The following KIAA0825 variants were observed in gnomAD, a reference collection of about 807,000 sequenced individuals.
KIAA0825 encodes the protein uncharacterized protein KIAA0825.
A neutral mutation model predicts 147.6 loss-of-function variants in KIAA0825; 119 were observed. The observed-to-expected ratio is 0.81, with a 90% CI of 0.69 to 0.94. KIAA0825 has a LOEUF of 0.94. Ranked by LOEUF, KIAA0825 falls within the 40% of genes least tolerant of loss-of-function variation. The pLI, the probability that KIAA0825 is intolerant of heterozygous loss-of-function variation, is 0.00. For synonymous variants in KIAA0825, 470 were observed against 518.1 expected (o/e 0.91, Z 1.26); for missense variants, 1,381 against 1,472.7 (o/e 0.94, Z 1.02).
At chr5:94,517,421 T>TAGAC (rs921119157) in intron 5 of KIAA0825, among the ~76,000 whole-genome samples, 1 of 152,076 alleles carries the variant, frequency 6.6e-6, no homozygotes, top group South Asian at 2.1e-4. Context: ...GATAGATAGA[T>TAGAC]AGACAGATAG....
At chr5:94,501,612 A>C (rs532563319) in intron 5 of KIAA0825, among the ~76,000 whole-genome samples, 2 of 152,356 alleles carry the variant, frequency 1.3e-5, no homozygotes, top group Non-Finnish European at 2.9e-5. Flanking sequence ...AAGAGGGGTC[A>C]GGTGAGCACA....
intron 15 of KIAA0825, among the ~76,000 whole-genome samples, chr5:94,409,563 T>G (rs988832633): frequency 2.6e-5 from 4 of 152,122 alleles, no homozygotes; most frequent in Non-Finnish European, 4.4e-5. Flanking sequence ...AAGTTTCCTT[T>G]CAGTCTTACA....
intron 20 of KIAA0825, among the ~76,000 whole-genome samples, chr5:94,216,612 A>G (rs183178588): frequency 6.6e-6 from 1 of 152,292 alleles, no homozygotes; most frequent in African/African-American, 2.4e-5. Flanking sequence ...TGAACAGGTT[A>G]ACATCAACAC....
At chr5:94,600,467 T>G (rs1231612535) in intron 1 of KIAA0825, among the ~76,000 whole-genome samples, 1 of 152,040 alleles carries the variant, frequency 6.6e-6, no homozygotes, top group African/African-American at 2.4e-5. Context: ...ATTCCTTATA[T>G]TTCCTTAATA....
chr5:94,555,564 T>C (rs928977639), intron 2 of KIAA0825, among the ~76,000 whole-genome samples: 24 of 152,276 alleles, frequency 1.6e-4, no homozygotes, highest in African/African-American at 5.8e-4. Flanking sequence ...GTGTATGAAG[T>C]AGAAATTGAC....
rs537398702 is a variant in KIAA0825, at chr5:94,608,597, G to T, written c.-153+9903C>A. 3.7e-5 allele frequency among the ~76,000 whole-genome samples: 5 copies of T among 134,060 alleles called. No homozygotes were observed. The East Asian group carries it at 1.1e-3, about 29-fold the overall frequency. 87.9% of individuals were successfully genotyped at this position (134,060 alleles called of 152,430 possible). ...GATCTACCCATCTCTGCCTCCCAAA[G>T]TACTGGGATTACAGGCCTGAGCCAC... is the stretch of plus-strand genomic sequence containing the variant. On this transcript the variant is annotated intron_variant, in intron 1 of 20. Transcript: ENST00000682413.
intron 5 of KIAA0825, chr5:94,519,497 T>G (rs1453752222): frequency 1.4e-6 from 1 of 737,292 alleles, no homozygotes; most frequent in Non-Finnish European, 1.7e-6. Context: ...TCACAATAAC[T>G]TCTTTCCTTT....
intron 5 of KIAA0825, among the ~76,000 whole-genome samples, chr5:94,499,931 G>A (rs62364615): frequency 0.029 from 4,436 of 152,256 alleles, 90 homozygotes; most frequent in Non-Finnish European, 0.045. Flanking sequence ...CTGTAGGAGC[G>A]TGGATTAGGG....
intron 14 of KIAA0825, among the ~76,000 whole-genome samples, chr5:94,439,601 C>CTCTGTCTCTG (rs778613604): frequency 2.2e-3 from 328 of 152,244 alleles, no homozygotes; most frequent in Non-Finnish European, 3.4e-3. Context: ...TAATCTAATA[C>CTCTGTCTCTG]TCTGTCTCTG....
At chr5:94,415,522 A>G (rs1324202251) in intron 15 of KIAA0825, 1 of 152,210 alleles carries the variant, frequency 6.6e-6, no homozygotes, top group Non-Finnish European at 1.5e-5. Context: ...GATATTTTCA[A>G]AGACTTAAAT....
chr5:94,444,843 G>A (rs1193045910), intron 13 of KIAA0825, among the ~76,000 whole-genome samples: 1 of 152,110 alleles, frequency 6.6e-6, no homozygotes, highest in Non-Finnish European at 1.5e-5. Flanking sequence ...TAGGGCCATA[G>A]AAGACATTCT....
At chr5:94,178,557 TTAAA>T (rs1468436067) in intron 20 of KIAA0825, among the ~76,000 whole-genome samples, 1 of 152,022 alleles carries the variant, frequency 6.6e-6, no homozygotes, top group East Asian at 1.9e-4. Flanking sequence ...CAGTATGACT[TTAAA>T]TAATTTTTTT....
chr5:94,312,766 T>G (rs1048161642), intron 20 of KIAA0825, among the ~76,000 whole-genome samples: 95 of 151,706 alleles, frequency 6.3e-4, no homozygotes, highest in Non-Finnish European at 1.3e-4. Context: ...ATTTTAAATG[T>G]GGCAAATTAA....
intron 1 of KIAA0825, chr5:94,617,893 G>A (rs931015374): frequency 6.6e-6 from 1 of 152,188 alleles, no homozygotes; most frequent in African/African-American, 2.4e-5. Flanking sequence ...CATACTTACT[G>A]ATCACTGCTT....
intron 20 of KIAA0825, among the ~76,000 whole-genome samples, chr5:94,367,909 C>A (rs1746100297): frequency 6.6e-6 from 1 of 152,086 alleles, no homozygotes; most frequent in Admixed American, 6.6e-5. Flanking sequence ...GTGGAAGCAG[C>A]CTTAAATGTA....
chr5:94,332,238 T>C (rs568991592), intron 20 of KIAA0825, among the ~76,000 whole-genome samples: 1 of 151,358 alleles, frequency 6.6e-6, no homozygotes, highest in African/African-American at 2.4e-5. Flanking sequence ...TTTTTTTTTT[T>C]AAATTATACT....
At chr5:94,592,715 A>G in intron 1 of KIAA0825, 1 of 300,072 alleles carries the variant, frequency 3.3e-6, no homozygotes, top group Non-Finnish European at 6.4e-6. Flanking sequence ...TGTTTGTTGC[A>G]CCTGACAACT....
intron 20 of KIAA0825, among the ~76,000 whole-genome samples, chr5:94,343,313 C>T (rs1313192460): frequency 6.6e-6 from 1 of 152,058 alleles, no homozygotes; most frequent in Non-Finnish European, 1.5e-5. Flanking sequence ...GGCAGAAGAA[C>T]CATCATCCAT....
chr5:94,174,057 A>C (rs996734843), intron 20 of KIAA0825, among the ~76,000 whole-genome samples: 11 of 152,108 alleles, frequency 7.2e-5, no homozygotes, highest in African/African-American at 2.7e-4. Flanking sequence ...ACTTCGCTTG[A>C]TCTCTTTCTT....
Sources: gnomAD v4.1 joint callset for allele counts (sites outside exome capture counted in the v4.1 genomes callset) on GRCh38, gnomAD v4.1.1 for gene constraint, MANE v1.5 for transcripts, NCBI Gene and HGNC (gene_info 2026-07-23, HGNC 2026-07-21) for gene names.